The following GSG1L variants were observed in gnomAD, a reference collection of about 807,000 sequenced individuals.
GSG1L encodes germ cell-specific gene 1-like protein.
A neutral mutation model predicts 42.1 loss-of-function variants in GSG1L; 24 were observed. That is an observed-to-expected ratio of 0.57 (90% confidence interval 0.41 to 0.80). The LOEUF is 0.80. Ranked by LOEUF, GSG1L falls within the 30% of genes least tolerant of loss-of-function variation. The pLI, the probability that GSG1L is intolerant of heterozygous loss-of-function variation, is 0.00. For synonymous variants in GSG1L, 215 were observed against 203.5 expected, an observed-to-expected ratio of 1.06 and a Z score of -0.48; for missense variants, 445 against 472.2, an observed-to-expected ratio of 0.94 and a Z score of 0.53.
At chr16:27,950,605 G>A (rs540770245) in intron 2 of GSG1L, among the ~76,000 whole-genome samples, 1 of 152,154 alleles carries the variant, frequency 6.6e-6, no homozygotes, top group African/African-American at 2.4e-5. Flanking sequence ...GGAAGGGTGG[G>A]TAGCAGGGTA....
rs181568725 is a variant in GSG1L, at chr16:28,056,475, G to T, written c.349+6601C>A. Among the ~76,000 whole-genome samples, 200 of 115,486 alleles carry T rather than the reference G, an allele frequency of 1.7e-3. 1 individual carries two copies. Among genetic ancestry groups the T allele is most frequent in the South Asian group, 3.2e-3 (8 of 2,518 alleles). The allele number at this position is 115,486 out of a possible 152,430, so 75.8% of individuals were successfully genotyped here. A position where few individuals can be genotyped will look rare whatever the true frequency, so the allele number is the denominator to read the frequency against. ...ATCACACCGGGGCCTGCTGTTGGGT[G>T]GGGGGAGGGGGGAGGGATAGCATTA... On this transcript the variant is annotated intron_variant, in intron 1 of 6. Coordinates refer to ENST00000447459, the MANE Select transcript of GSG1L (RefSeq NM_001109763.2).
chr16:27,841,767 T>C (rs1216590896), intron 4 of GSG1L, among the ~76,000 whole-genome samples: 1 of 152,040 alleles, frequency 6.6e-6, no homozygotes, highest in Non-Finnish European at 1.5e-5. Flanking sequence ...CGGTGCCCCT[T>C]GGGAGGCCAG....
chr16:27,791,453 T>C lies in GSG1L; in HGVS notation c.913A>G (p.Met305Val), dbSNP rs776767075. ...ERYPARHQPH[M>V]ADSWPRSSAQ... ...GAGCTCCGGGGCCAGGAATCCGCCATGTGTGGCTGGTGTCCTGCCAGGAGA... is the reference window on the plus strand; with the variant it reads ...GAGCTCCGGGGCCAGGAATCCGCCACGTGTGGCTGGTGTCCTGCCAGGAGA... Residue 305 changes from methionine (M) to valine (V), a missense_variant, in exon 7 of 7, where the codon ATG becomes GTG. Transcript: ENST00000447459. 13 of 1,502,072 alleles carry C rather than the reference T, an allele frequency of 8.7e-6. No individual in the cohort carries two copies. The highest frequency in any genetic ancestry group is 4.1e-5 in the Admixed American group (2 of 48,282). 93.0% of individuals were successfully genotyped at this position (1,502,072 alleles called of 1,614,324 possible).
At chr16:28,050,477 T>A (rs1302555008) in intron 1 of GSG1L, among the ~76,000 whole-genome samples, 1 of 152,016 alleles carries the variant, frequency 6.6e-6, no homozygotes, top group African/African-American at 2.4e-5. Flanking sequence ...GGAGGACAGA[T>A]CCTTAAAGAA....
chr16:27,883,600 TAG>T (rs1457016308), intron 3 of GSG1L, among the ~76,000 whole-genome samples: 1 of 152,194 alleles, frequency 6.6e-6, no homozygotes, highest in Non-Finnish European at 1.5e-5. Flanking sequence ...TTTCATTAAA[TAG>T]AGAGTTCTTC....
chr16:27,930,103 C>T (rs954903937), intron 2 of GSG1L, among the ~76,000 whole-genome samples: 2 of 151,942 alleles, frequency 1.3e-5, no homozygotes, highest in African/African-American at 4.8e-5. Flanking sequence ...GTTGAAGGGC[C>T]TCCTCAAATT....
chr16:28,033,908 G>C (rs1416516118), intron 1 of GSG1L, among the ~76,000 whole-genome samples: 5 of 152,130 alleles, frequency 3.3e-5, no homozygotes, highest in African/African-American at 4.8e-5. Context: ...TTGTTGAAGA[G>C]AGAAGTTCCC....
chr16:27,831,907 G>T (rs2083278781), intron 4 of GSG1L, among the ~76,000 whole-genome samples: 1 of 151,842 alleles, frequency 6.6e-6, no homozygotes. Flanking sequence ...CTCCCCCATT[G>T]CCTTCCCTCC....
chr16:27,857,654 C>T (rs1265933643), intron 3 of GSG1L, among the ~76,000 whole-genome samples: 1 of 151,972 alleles, frequency 6.6e-6, no homozygotes, highest in African/African-American at 2.4e-5. Flanking sequence ...TCTTAATTTC[C>T]TTCTTTGTTT....
chr16:27,871,875 G>T (rs983560327), intron 3 of GSG1L, among the ~76,000 whole-genome samples: 1 of 152,192 alleles, frequency 6.6e-6, no homozygotes, highest in Non-Finnish European at 1.5e-5. Flanking sequence ...GCCCAGGGCT[G>T]GGAAGATTGG....
intron 1 of GSG1L, among the ~76,000 whole-genome samples, chr16:28,034,060 A>G (rs1026728501): frequency 3.9e-5 from 6 of 152,060 alleles, no homozygotes; most frequent in Non-Finnish European, 8.8e-5. Context: ...GACTCATCCC[A>G]TCCCATCCCA....
intron 1 of GSG1L, among the ~76,000 whole-genome samples, chr16:27,979,726 G>GGAAGGAAGGAAGAAAA (rs1491436872): frequency 1.9e-5 from 1 of 53,582 alleles, no homozygotes; most frequent in Non-Finnish European, 3.4e-5. Flanking sequence ...AAGGAAGGAA[G>GGAAGGAAGGAAGAAAA]GAAAGAAAAA....
intron 6 of GSG1L, among the ~76,000 whole-genome samples, chr16:27,803,534 C>T (rs965862613): frequency 2.0e-5 from 3 of 151,970 alleles, no homozygotes; most frequent in Admixed American, 6.6e-5. Context: ...GCTGTTATAT[C>T]CTCATCTCAA....
intron 2 of GSG1L, among the ~76,000 whole-genome samples, chr16:27,915,196 TACACACACACACACACACACACAC>T (rs66820312): frequency 8.2e-6 from 1 of 121,784 alleles, no homozygotes; most frequent in African/African-American, 3.1e-5. Context: ...CCAGAGGATG[TACACACACACACACACACACACAC>T]ACACACACAC....
chr16:27,907,759 T>C (rs1472038055), intron 2 of GSG1L, among the ~76,000 whole-genome samples: 1 of 152,254 alleles, frequency 6.6e-6, no homozygotes, highest in African/African-American at 2.4e-5. Context: ...CCTGGCTGTC[T>C]TGGTTTTGTA....
chr16:27,936,050 C>T (rs1363702518), intron 2 of GSG1L, among the ~76,000 whole-genome samples: 38 of 151,394 alleles, frequency 2.5e-4, no homozygotes, highest in Admixed American at 2.4e-3. Context: ...TCACCCCCAC[C>T]CTTCAGGACC....
chr16:27,838,456 C>T (rs1363796400), intron 4 of GSG1L, among the ~76,000 whole-genome samples: 2 of 152,190 alleles, frequency 1.3e-5, no homozygotes, highest in Non-Finnish European at 2.9e-5. Flanking sequence ...GCACACGGAG[C>T]TGCGTGGGTG....
chr16:27,946,609 G>A (rs369109468), intron 2 of GSG1L, among the ~76,000 whole-genome samples: 1,065 of 9,638 alleles, frequency 0.11, 39 homozygotes, highest in Middle Eastern at 0.17. Flanking sequence ...GAGAGAGAGA[G>A]AGAGAGAGAG....
intron 3 of GSG1L, among the ~76,000 whole-genome samples, chr16:27,865,524 T>C (rs1018003423): frequency 1.1e-4 from 1 of 9,276 alleles, no homozygotes; most frequent in African/African-American, 6.0e-4. Flanking sequence ...TCTCTCTTTC[T>C]ATATATATAT....
Sources: gnomAD v4.1 joint callset for allele counts (sites outside exome capture counted in the v4.1 genomes callset) on GRCh38, gnomAD v4.1.1 for gene constraint, MANE v1.5 for transcripts, NCBI Gene and HGNC (gene_info 2026-07-23, HGNC 2026-07-21) for gene names.